Variants in TCF12 observed in about 807,000 individuals in gnomAD.
TCF12 encodes the protein DNA-binding protein HTF4.
TCF12 carries 45 observed loss-of-function variants against 86.0 expected under a neutral mutation model. The ratio of observed to expected loss-of-function variants is 0.52; its 90% CI spans 0.41 to 0.67. TCF12 has a LOEUF of 0.67. Ranked by LOEUF, TCF12 falls within the 30% of genes least tolerant of loss-of-function variation. The probability of loss-of-function intolerance (pLI) is 0.00; values close to 1 mark genes in which losing one functional copy is unlikely to be tolerated. For missense variants in TCF12, 881 were observed against 859.9 expected (o/e 1.02, Z -0.31); for synonymous variants, 330 against 299.6 (o/e 1.10, Z -1.05).
chr15:57,172,981 C>T (rs1209346159), intron 6 of TCF12, among the ~76,000 whole-genome samples: 1 of 151,032 alleles, frequency 6.6e-6, no homozygotes, highest in Non-Finnish European at 1.5e-5. Flanking sequence ...GGTGTGGTGG[C>T]AGGAGGCTGA....
At chr15:57,079,338 T>C (rs1425962898) in intron 4 of TCF12, among the ~76,000 whole-genome samples, 1 of 152,184 alleles carries the variant, frequency 6.6e-6, no homozygotes, top group Admixed American at 6.5e-5. Context: ...ATATGAAGAA[T>C]ACTATTTCTC....
intron 3 of TCF12, among the ~76,000 whole-genome samples, chr15:57,050,244 A>G (rs1479765595): frequency 6.6e-6 from 1 of 152,116 alleles, no homozygotes; most frequent in East Asian, 1.9e-4. Flanking sequence ...CATATTTGCC[A>G]TCTGTATGCT....
In TCF12 at chr15:57,288,252, G is replaced by A. The variant is rs1408353342; in HGVS notation, c.*2107G>A. On this transcript the variant is annotated 3_prime_UTR_variant, in exon 21 of 21. Transcript: ENST00000333725. ...TTTACAATAGCATTTTAAGACCATA[G>A]TAGGATTCTAGCATACCGTGTAGTA... 1 of 152,540 alleles carries A rather than the reference G, an allele frequency of 6.6e-6. No homozygotes were observed. 9.4% of individuals were successfully genotyped at this position (152,540 alleles called of 1,614,324 possible).
At chr15:57,092,795 T>G (rs2049074133) in intron 5 of TCF12, among the ~76,000 whole-genome samples, 1 of 152,192 alleles carries the variant, frequency 6.6e-6, no homozygotes, top group Non-Finnish European at 1.5e-5. Flanking sequence ...TAATTGACAT[T>G]GATTTCATTA....
chr15:57,195,627 A>G (rs543458707), intron 7 of TCF12, among the ~76,000 whole-genome samples: 1 of 152,318 alleles, frequency 6.6e-6, no homozygotes, highest in African/African-American at 2.4e-5. Context: ...AGTTTTCTTC[A>G]TATGCTACAT....
chr15:57,187,937 C>CA lies in TCF12; in HGVS notation c.391-4214dup, dbSNP rs1440458802. ...TGGATGATAGAGTGAGACTCCATCT[C>CA]AAAAAAATAAAAAATAAACAGATTA... On this transcript the variant is annotated intron_variant, in intron 6 of 20. Coordinates refer to ENST00000333725, the MANE Select transcript of TCF12 (RefSeq NM_207037.2). 6.0e-5 allele frequency among the ~76,000 whole-genome samples: 9 copies of CA among 149,988 alleles called. No individual in the cohort carries two copies. In the East Asian group the frequency reaches 1.6e-3, roughly 26 times the overall value.
chr15:56,998,472 A>C (rs2141024927), intron 3 of TCF12, among the ~76,000 whole-genome samples: 1 of 151,596 alleles, frequency 6.6e-6, no homozygotes, highest in South Asian at 2.1e-4. Context: ...AAAAAAAAAA[A>C]AAAAATGCTT....
At chr15:57,208,391 T>TTTTTTTTCTC (rs2057950009) in intron 8 of TCF12, among the ~76,000 whole-genome samples, 1 of 125,722 alleles carries the variant, frequency 8.0e-6, no homozygotes, top group Non-Finnish European at 1.7e-5. Flanking sequence ...TTTTTTTTTT[T>TTTTTTTTCTC]TTTTTTTTGG....
intron 5 of TCF12, among the ~76,000 whole-genome samples, chr15:57,138,173 T>C (rs995496069): frequency 2.0e-5 from 3 of 152,220 alleles, no homozygotes; most frequent in Non-Finnish European, 4.4e-5. Context: ...ATTTTACTTT[T>C]ACTTGTTAAT....
Position 57,192,232 on chromosome 15 carries a change from A to G in TCF12, c.465A>G (p.Ala155=), listed in dbSNP as rs2057018357. Residue 155 remains alanine, a synonymous_variant, in exon 7 of 21, where the codon GCA becomes GCG. Coordinates refer to ENST00000333725, the MANE Select transcript of TCF12 (RefSeq NM_207037.2). ...QLSSSGKPGT[A]YYSFSATSSR... Reference sequence around the variant, plus strand: ...CTTCTTCAGGAAAACCTGGGACAGCATACTATTCATTCTCTGCTACAAGTT... The same window carrying G: ...CTTCTTCAGGAAAACCTGGGACAGCGTACTATTCATTCTCTGCTACAAGTT... 1.2e-6 allele frequency: 2 copies of G among 1,614,030 alleles called. No homozygotes were observed. Among genetic ancestry groups the G allele is most frequent in the African/African-American group, 1.3e-5 (1 of 74,920 alleles).
rs1322927801 is a variant in TCF12, at chr15:57,286,617, G to A, written c.*472G>A. The A allele has an allele frequency of 8.8e-6, 4 of 456,724 alleles. No individual in the cohort carries two copies. The highest frequency in any genetic ancestry group is 3.3e-4 in the Middle Eastern group (1 of 3,076). The allele number at this position is 456,724 out of a possible 1,614,324, so 28.3% of individuals were successfully genotyped here. On this transcript the variant is annotated 3_prime_UTR_variant, in exon 21 of 21. Coordinates refer to ENST00000333725, the MANE Select transcript of TCF12 (RefSeq NM_207037.2). ...CAGCATACATTAAAGCGGTTCACGT[G>A]CAGAGAACAAAGCAGTGACAACCAT...
chr15:56,920,487 C>CACGTGTGTGTGTGTGTGT lies in TCF12; in HGVS notation c.75+499_75+500insACGTGTGTGTGTGTGTGT, dbSNP rs3223202. 7.8e-3 allele frequency among the ~76,000 whole-genome samples: 1,144 copies of CACGTGTGTGTGTGTGTGT among 146,906 alleles called. 9 individuals are homozygous for CACGTGTGTGTGTGTGTGT. The highest frequency in any genetic ancestry group is 0.024 in the African/African-American group (946 of 39,664). ...TACTTTTATTTTATACACACACACA[C>CACGTGTGTGTGTGTGTGT]GTGTGTGTGTGTGTGTGTGTGTATT... On this transcript the variant is annotated intron_variant, in intron 2 of 20. Coordinates refer to ENST00000333725, the MANE Select transcript of TCF12 (RefSeq NM_207037.2).
intron 12 of TCF12, among the ~76,000 whole-genome samples, chr15:57,243,224 T>G (rs973718106): frequency 2.0e-5 from 3 of 152,230 alleles, no homozygotes; most frequent in Admixed American, 2.0e-4. Context: ...TTAAGTTATT[T>G]TCACCTAGAA....
chr15:57,131,916 G>A (rs993376282), intron 5 of TCF12, among the ~76,000 whole-genome samples: 6 of 152,140 alleles, frequency 3.9e-5, no homozygotes, highest in Admixed American at 1.3e-4. Flanking sequence ...AAAGAAGTTA[G>A]GTATGCATTT....
intron 4 of TCF12, among the ~76,000 whole-genome samples, chr15:57,075,868 CT>C (rs200013468): frequency 1.8e-5 from 1 of 55,190 alleles, no homozygotes. Flanking sequence ...TCTTTCCATT[CT>C]TTTTTTTTAT....
chr15:57,277,734 G>A (rs2061469867), intron 19 of TCF12, among the ~76,000 whole-genome samples: 1 of 151,520 alleles, frequency 6.6e-6, no homozygotes, highest in African/African-American at 2.4e-5. Context: ...CCCAGGAGAT[G>A]ACTTGAGACC....
intron 6 of TCF12, among the ~76,000 whole-genome samples, chr15:57,191,192 A>C (rs1045483645): frequency 6.6e-6 from 1 of 152,214 alleles, no homozygotes; most frequent in Non-Finnish European, 1.5e-5. Flanking sequence ...GGCCAGCTGC[A>C]GTGGCTCACA....
chr15:57,159,453 AG>A (rs2054343183), intron 5 of TCF12, among the ~76,000 whole-genome samples: 1 of 152,236 alleles, frequency 6.6e-6, no homozygotes, highest in South Asian at 2.1e-4. Context: ...GTAAATAATG[AG>A]TTTTCAAAGA....
intron 3 of TCF12, among the ~76,000 whole-genome samples, chr15:57,040,695 T>C (rs1311616178): frequency 6.6e-6 from 1 of 152,222 alleles, no homozygotes; most frequent in Non-Finnish European, 1.5e-5. Context: ...TATCTCATGA[T>C]CAGATGTAAA....
Sources: allele counts gnomAD v4.1 joint callset (sites outside exome capture counted in the v4.1 genomes callset), GRCh38; gene constraint gnomAD v4.1.1; transcripts MANE v1.5; gene names NCBI Gene and HGNC (gene_info 2026-07-23, HGNC 2026-07-21).